CAMKK2: variants seen among roughly 807,000 people sequenced by gnomAD.
CAMKK2 encodes the protein calcium/calmodulin-dependent protein kinase kinase 2.
In CAMKK2, 30 loss-of-function variants were observed where a neutral mutation model predicts 67.2. The observed-to-expected ratio is 0.45, with a 90% confidence interval of 0.33 to 0.61. The LOEUF is 0.61. Ranked by LOEUF, CAMKK2 falls within the 20% of genes least tolerant of loss-of-function variation. CAMKK2 has a pLI of 0.02. For missense variants in CAMKK2, 643 were observed against 802.0 expected, an observed-to-expected ratio of 0.80 and a Z score of 2.39; for synonymous variants, 322 against 326.2, an observed-to-expected ratio of 0.99 and a Z score of 0.14.
At chr12:121,287,752 T>G (rs1899046764) in intron 1 of CAMKK2, among the ~76,000 whole-genome samples, 1 of 152,176 alleles carries the variant, frequency 6.6e-6, no homozygotes, top group Non-Finnish European at 1.5e-5. Context: ...GGAAGATCGC[T>G]TGAGGCCAGG....
chr12:121,241,668 C>T (rs1456317898), intron 16 of CAMKK2, among the ~76,000 whole-genome samples: 6 of 152,360 alleles, frequency 3.9e-5, no homozygotes, highest in Admixed American at 1.3e-4. Flanking sequence ...CACAACAATC[C>T]GTGTCTCCTG....
Position 121,283,814 on chromosome 12 carries a change from C to CTAAATAAA in CAMKK2, c.-59-9237_-59-9230dup, listed in dbSNP as rs111580860. On this transcript the variant is annotated intron_variant, in intron 1 of 16. Coordinates refer to ENST00000404169, the MANE Select transcript of CAMKK2 (RefSeq NM_001270485.2). ...TGGGTGGCAGAATGAGATCCTTTCG[C>CTAAATAAA]TAAATAAATAAATAAATAAATAAAT... Among the ~76,000 whole-genome samples, 385 of 151,586 alleles carry CTAAATAAA rather than the reference C, an allele frequency of 2.5e-3. 1 individual carries two copies. The highest frequency in any genetic ancestry group is 7.8e-3 in the African/African-American group (323 of 41,288).
chr12:121,289,868 G>C (rs1209516118), intron 1 of CAMKK2, among the ~76,000 whole-genome samples: 1 of 147,196 alleles, frequency 6.8e-6, no homozygotes, highest in Non-Finnish European at 1.5e-5. Context: ...ACTCCAGCCT[G>C]AGAGACAGAG....
At chr12:121,248,462 A>T in intron 14 of CAMKK2, 144 bp downstream of exon 14, 1 of 872,754 alleles carries the variant, frequency 1.1e-6, no homozygotes, top group Non-Finnish European at 1.8e-6. Flanking sequence ...TACATGACCA[A>T]GGCCCAGAGG....
intron 1 of CAMKK2, among the ~76,000 whole-genome samples, chr12:121,275,715 C>A (rs6489803): frequency 1.3e-5 from 2 of 151,546 alleles, no homozygotes; most frequent in South Asian, 4.2e-4. Flanking sequence ...TGGGGAATGG[C>A]TGCTTAATGG....
At chr12:121,269,628 C>G (rs201882050) in intron 3 of CAMKK2, 47 bp from the exon 4 acceptor site, 2 of 1,469,506 alleles carry the variant, frequency 1.4e-6, no homozygotes, top group South Asian at 2.4e-5. Flanking sequence ...AAGTTAAGAT[C>G]TGCAAAATGA....
intron 1 of CAMKK2, among the ~76,000 whole-genome samples, chr12:121,275,465 C>G (rs1202493499): frequency 7.5e-6 from 1 of 132,676 alleles, no homozygotes; most frequent in Non-Finnish European, 1.5e-5. Context: ...GCCTCAGCAA[C>G]TCAGCAATAG....
In CAMKK2 at chr12:121,240,553, A is replaced by G; in HGVS notation, c.*146T>C. 2 of 1,533,386 alleles carry G rather than the reference A, an allele frequency of 1.3e-6. No homozygotes were observed. The highest frequency in any genetic ancestry group is 1.2e-5 in the South Asian group (1 of 83,484). 95.0% of individuals were successfully genotyped at this position (1,533,386 alleles called of 1,614,324 possible). Reference sequence around the variant, plus strand: ...TTTTTTTTTTGTCCCCTTTAAAACAACAAAGGAAAAAACAAATAACCAGAG... The same window carrying G: ...TTTTTTTTTTGTCCCCTTTAAAACAGCAAAGGAAAAAACAAATAACCAGAG... On this transcript the variant is annotated 3_prime_UTR_variant, in exon 17 of 17. Coordinates refer to ENST00000404169, the MANE Select transcript of CAMKK2 (RefSeq NM_001270485.2). The surrounding 1 kb of genome is among the most constrained non-coding windows in gnomAD (Gnocchi z 4.4).
chr12:121,247,538 C>T (rs1889741676), intron 14 of CAMKK2, among the ~76,000 whole-genome samples: 2 of 152,168 alleles, frequency 1.3e-5, no homozygotes, highest in African/African-American at 4.8e-5. Context: ...CAGAGTCCGA[C>T]GCCAGCTGTC....
At chr12:121,261,520 C>G (rs1351335508) in intron 6 of CAMKK2, among the ~76,000 whole-genome samples, 1 of 152,148 alleles carries the variant, frequency 6.6e-6, no homozygotes, top group Non-Finnish European at 1.5e-5. Flanking sequence ...TCCAGTCACC[C>G]AAGATCAATA....
rs771744764 is a variant in CAMKK2 at position 121,274,375 on chromosome 12, G to A, written c.152C>T (p.Ser51Phe). ...CTCACACTCGGTGACCACAATGAAG[G>A]ACTCCATGCCCAGGTGGATGCTCAA... ...SSLSIHLGMESFIVVTECEPG... is the reference protein window; with the variant it reads ...SSLSIHLGMEFFIVVTECEPG... Residue 51 changes from serine (S) to phenylalanine (F), a missense_variant, in exon 2 of 17, where the codon TCC becomes TTC. Physicochemically the swap from Ser to Phe is radical, Grantham distance 155. Around this residue, in one of 3 missense-constraint regions of CAMKK2, gnomAD observed 483 missense variants for 625.8 expected, o/e 0.77. Coordinates refer to ENST00000404169, the MANE Select transcript of CAMKK2 (RefSeq NM_001270485.2). 1.9e-6 allele frequency: 3 copies of A among 1,613,540 alleles called. No homozygotes were observed. Among genetic ancestry groups the A allele is most frequent in the Non-Finnish European group, 1.7e-6 (2 of 1,179,948 alleles).
At chr12:121,293,480 T>C (rs1015736123) in intron 1 of CAMKK2, among the ~76,000 whole-genome samples, 19 of 134,286 alleles carry the variant, frequency 1.4e-4, no homozygotes, top group Non-Finnish European at 2.7e-4. Context: ...GAGCCCTTCA[T>C]ATAAAGAGGC....
chr12:121,242,962 T>C (rs1888666359), intron 16 of CAMKK2, among the ~76,000 whole-genome samples: 1 of 151,962 alleles, frequency 6.6e-6, no homozygotes, highest in African/African-American at 2.4e-5. Flanking sequence ...CAGGATGGTC[T>C]CGATCTCCTG....
chr12:121,295,583 G>A (rs761284426), intron 1 of CAMKK2, among the ~76,000 whole-genome samples: 12 of 152,150 alleles, frequency 7.9e-5, no homozygotes, highest in Non-Finnish European at 1.2e-4. Context: ...GTGGTAAATG[G>A]CAGCACAGCT....
At chr12:121,243,981 G>T (rs991039470) in intron 16 of CAMKK2, 1 of 1,504,042 alleles carries the variant, frequency 6.6e-7, no homozygotes, top group Non-Finnish European at 8.9e-7. Context: ...AGGACACAAA[G>T]CCTCATCTGT....
chr12:121,272,946 G>A (rs953150119), intron 2 of CAMKK2, among the ~76,000 whole-genome samples: 10 of 152,112 alleles, frequency 6.6e-5, no homozygotes, highest in South Asian at 2.1e-4. Flanking sequence ...AAATTCATTC[G>A]TTCCTTCAAC....
Position 121,285,197 on chromosome 12 carries a change from T to C in CAMKK2, c.-59-10612A>G, listed in dbSNP as rs1451509736. The stretch of plus-strand genomic sequence containing the variant: ...CTGGCTATCAATTGCTCTGGTCAAG[T>C]GGGTAACTCAAGAATAGATATGAGG... On this transcript the variant is annotated intron_variant, in intron 1 of 16. Coordinates refer to ENST00000404169, the MANE Select transcript of CAMKK2 (RefSeq NM_001270485.2). This position sits in a 1 kb window ranked among gnomAD's most constrained non-coding sequence, Gnocchi z 4.1. Among the ~76,000 whole-genome samples the C allele has an allele frequency of 2.0e-5, 3 of 152,124 alleles. No homozygotes were observed. The highest frequency in any genetic ancestry group is 7.2e-5 in the African/African-American group (3 of 41,428).
chr12:121,293,020 A>G (rs1000002040), intron 1 of CAMKK2, among the ~76,000 whole-genome samples: 9 of 152,078 alleles, frequency 5.9e-5, no homozygotes, highest in African/African-American at 2.2e-4. Flanking sequence ...TCACGCCTGT[A>G]ATCCCAGCAC....
At chr12:121,250,509 A>G (rs1176494070) in intron 11 of CAMKK2, among the ~76,000 whole-genome samples, 2 of 152,084 alleles carry the variant, frequency 1.3e-5, no homozygotes, top group Non-Finnish European at 2.9e-5. Flanking sequence ...TCTCACCAAC[A>G]TCTACGTGGC....
Sources: allele counts gnomAD v4.1 joint callset (sites outside exome capture counted in the v4.1 genomes callset), GRCh38; gene constraint gnomAD v4.1.1; regional missense constraint gnomAD v4.1.1; non-coding constraint Gnocchi (gnomAD v3.1); transcripts MANE v1.5; gene names NCBI Gene and HGNC (gene_info 2026-07-23, HGNC 2026-07-21).